Variants in NOP16 observed in about 807,000 individuals in gnomAD.
NOP16 encodes NOP16 nucleolar protein, also known as nucleolar protein 16.
NOP16 carries 14 observed loss-of-function variants against 22.7 expected under a neutral mutation model. That is an observed-to-expected ratio of 0.62 (90% CI 0.41 to 0.97). The LOEUF is 0.97. NOP16 is among the 50% of genes least tolerant of loss of function. The pLI, the probability that NOP16 is intolerant of heterozygous loss-of-function variation, is 0.00. For synonymous variants in NOP16, 80 were observed against 83.6 expected (o/e 0.96, Z 0.23); for missense variants, 198 against 235.9 (o/e 0.84, Z 1.05).
In NOP16 at chr5:176,384,227, C is replaced by G; in HGVS notation, c.*4G>C. The G allele has an allele frequency of 6.2e-7, 1 of 1,614,214 alleles. No homozygotes were observed. On this transcript the variant is annotated 3_prime_UTR_variant, in exon 5 of 5. Coordinates refer to ENST00000614830, the MANE Select transcript of NOP16 (RefSeq NM_016391.8). ...CAGCCTGGGGCAGCTGTGATGTAAA[C>G]CAGTCACTCCACCTCCATCTTCCTC... is the stretch of plus-strand genomic sequence containing the variant.
chr5:176,385,888 T>C (rs1223837780), intron 3 of NOP16: 1 of 152,612 alleles, frequency 6.6e-6, no homozygotes, highest in Non-Finnish European at 1.5e-5. Context: ...GACAGGCAAA[T>C]CCTACTCCAT....
In NOP16 at chr5:176,388,258, C is replaced by G; in HGVS notation, c.193G>C (p.Ala65Pro). ...ACCTTTCTCTTACGGAGGGGCACCG[C>G]CCTGTTGGGGTCCACAGCCAACCCC... ...EMGLAVDPNR[A>P]VPLRKRKVKA... is the part of the protein sequence containing the mutation. The change falls in exon 2 of 5, where the codon GCG becomes CCG. Residue 65 changes from alanine to proline, a missense_variant. Ala to Pro is a conservative substitution (Grantham distance 27). Transcript: ENST00000614830. 1 of 1,613,792 alleles carries G rather than the reference C, an allele frequency of 6.2e-7. No individual in the cohort carries two copies. The highest frequency in any genetic ancestry group is 8.5e-7 in the Non-Finnish European group (1 of 1,179,690).
In NOP16 at chr5:176,385,213, CCG is replaced by C. The variant is rs561266693; in HGVS notation, c.393+6_393+7del. On this transcript the variant is annotated splice_donor_region_variant and intron_variant, in intron 4 of 4. Transcript: ENST00000614830. ...TCCCAGCCAGCCCACGGGGCCTGAG[CCG>C]CTCACCTTATAGTCCTCCCCGTGGT... 1,828 of 1,555,604 alleles carry C rather than the reference CCG, an allele frequency of 1.2e-3. 45 individuals carry two copies. The South Asian group carries it at 0.019, about 16-fold the overall frequency.
intron 3 of NOP16, among the ~76,000 whole-genome samples, chr5:176,385,531 A>T (rs1353859836): frequency 6.6e-6 from 1 of 151,998 alleles, no homozygotes; most frequent in Non-Finnish European, 1.5e-5. Context: ...CCTATGACCC[A>T]CTCATCTACC....
rs1011453221 is a variant in NOP16 at position 176,386,904 on chromosome 5, C to G, written c.222G>C (p.Lys74Asn). The G allele has an allele frequency of 3.1e-6, 5 of 1,614,074 alleles. No homozygotes were observed. The highest frequency in any genetic ancestry group is 4.2e-6 in the Non-Finnish European group (5 of 1,179,942). ...RAVPLRKRKV[K>N]AMEVDIEERP... Reference sequence around the variant, plus strand: ...TCTCCTCTATGTCCACCTCCATGGCCTTCACCTGCAGAGAACAGAGCCCTT... The same window carrying G: ...TCTCCTCTATGTCCACCTCCATGGCGTTCACCTGCAGAGAACAGAGCCCTT... Residue 74 changes from lysine (K) to asparagine (N), a missense_variant, in exon 3 of 5, where the codon AAG (lysine) becomes AAC (asparagine). Physicochemically the swap from Lys to Asn is moderately conservative, Grantham distance 94 (BLOSUM62 0). Transcript: ENST00000614830.
At chr5:176,387,045 C>A in intron 2 of NOP16, 136 bp from the exon 3 acceptor site, 1 of 696,396 alleles carries the variant, frequency 1.4e-6, no homozygotes, top group Non-Finnish European at 2.5e-6. Flanking sequence ...ACAATGAGAA[C>A]TAATGCCCTG....
In NOP16 at chr5:176,386,820, A is replaced by C; in HGVS notation, c.286+20T>G. ...ACAGTGCAGGACAGTGACCTAAAGG[A>C]ATATATGGACCACACCCACCATTCA... On this transcript the variant is annotated intron_variant, in intron 3 of 4. Coordinates refer to ENST00000614830, the MANE Select transcript of NOP16 (RefSeq NM_016391.8). 1 of 1,609,470 alleles carries C rather than the reference A, an allele frequency of 6.2e-7. No individual in the cohort carries two copies.
At chr5:176,384,533 T>C (rs957802357) in intron 4 of NOP16, 159 bp from the exon 5 acceptor site, 1 of 703,200 alleles carries the variant, frequency 1.4e-6, no homozygotes, top group Admixed American at 3.0e-5. Flanking sequence ...ATGCCTGTAA[T>C]CCCAACACTC....
In NOP16 at chr5:176,385,001, A is replaced by G. The variant is rs1224127195; in HGVS notation, c.393+220T>C. ...CCAAAAAACACCATGCGAGCAAAAC[A>G]TTTATCTGTGAGTGAGACTGGAACC... On this transcript the variant is annotated intron_variant, in intron 4 of 4. Transcript: ENST00000614830. 20 of 579,704 alleles carry G rather than the reference A, an allele frequency of 3.5e-5. No homozygotes were observed. In the Admixed American group the frequency reaches 5.6e-4, roughly 16 times the overall value. 35.9% of individuals were successfully genotyped at this position (579,704 alleles called of 1,614,324 possible).
At chr5:176,384,712 G>C in intron 4 of NOP16, 1 of 392,566 alleles carries the variant, frequency 2.5e-6, no homozygotes, top group Non-Finnish European at 4.6e-6. Context: ...TGAGGCTGCG[G>C]TGAGCCATGA....
intron 2 of NOP16, 77 bp downstream of exon 2, chr5:176,388,158 C>A: frequency 1.8e-6 from 2 of 1,113,872 alleles, no homozygotes; most frequent in Non-Finnish European, 2.7e-6. Flanking sequence ...ATGGGCAGTA[C>A]CACGTTCTGA....
At chr5:176,386,276 G>C (rs897299865) in intron 3 of NOP16, 3 of 180,028 alleles carry the variant, frequency 1.7e-5, no homozygotes, top group African/African-American at 4.7e-5. Flanking sequence ...GAGAACCACT[G>C]AGATAAAAGA....
intron 3 of NOP16, chr5:176,386,297 AG>A (rs1286011474): frequency 5.6e-6 from 1 of 180,092 alleles, no homozygotes; most frequent in East Asian, 1.4e-4. Flanking sequence ...CAGGAACTCA[AG>A]GAATTCTGTA....
In NOP16 at chr5:176,386,823, A is replaced by AT. The variant is rs764697023; in HGVS notation, c.286+16dup. 1 of 1,610,702 alleles carries AT rather than the reference A, an allele frequency of 6.2e-7. No individual in the cohort carries two copies. The highest frequency in any genetic ancestry group is 1.7e-5 in the Admixed American group (1 of 60,008). On this transcript the variant is annotated intron_variant, in intron 3 of 4. Coordinates refer to ENST00000614830, the MANE Select transcript of NOP16 (RefSeq NM_016391.8). Reference sequence around the variant, plus strand: ...GTGCAGGACAGTGACCTAAAGGAATATATGGACCACACCCACCATTCAGCA... The same window carrying AT: ...GTGCAGGACAGTGACCTAAAGGAATATTATGGACCACACCCACCATTCAGCA...
chr5:176,384,904 G>C, intron 4 of NOP16: 3 of 546,566 alleles, frequency 5.5e-6, no homozygotes, highest in Non-Finnish European at 9.7e-6. Flanking sequence ...TCTTTCAACT[G>C]TTAAAGGAAG....
chr5:176,388,525 CT>C lies in NOP16; in HGVS notation c.14del (p.Lys5ArgfsTer18). 6.2e-7 allele frequency: 1 copy of C among 1,612,446 alleles called. No individual in the cohort carries two copies. The highest frequency in any genetic ancestry group is 2.2e-5 in the East Asian group (1 of 44,840). On this transcript the variant is annotated frameshift_variant, in exon 1 of 5. Transcript: ENST00000614830. LOFTEE classifies it high-confidence loss of function. MPKA[K>X]GKTRRQKFGY... ...CAAACTTCTGCCTCCGGGTTTTGCCCTTGGCCTTGGGCATCGCGCTGACCAC... is the reference window on the plus strand; with the variant it reads ...CAAACTTCTGCCTCCGGGTTTTGCCCTGGCCTTGGGCATCGCGCTGACCAC...
At position 176,388,189 on chromosome 5, in the gene NOP16, G is replaced by C. The variant is rs746987248; in HGVS notation, c.216+46C>G. ...TCTGACACCTAGGTCAGTATGGCGG[G>C]GGAAGAGTAAAGAAGACAAGGACCG... On this transcript the variant is annotated intron_variant, in intron 2 of 4. Transcript: ENST00000614830. 4.3e-6 allele frequency: 6 copies of C among 1,400,294 alleles called. No individual in the cohort carries two copies. In the African/African-American group the frequency reaches 8.5e-5, roughly 20 times the overall value. The allele number at this position is 1,400,294 out of a possible 1,614,324, so 86.7% of individuals were successfully genotyped here.
intron 3 of NOP16, chr5:176,385,917 G>A (rs1755809451): frequency 6.6e-6 from 1 of 152,630 alleles, no homozygotes; most frequent in Non-Finnish European, 1.5e-5. Flanking sequence ...TAGAAAGAGA[G>A]AGAAAGAGCT....
intron 2 of NOP16, 63 bp from the exon 3 acceptor site, chr5:176,386,972 G>T: frequency 1.4e-6 from 2 of 1,421,134 alleles, no homozygotes; most frequent in Non-Finnish European, 2.0e-6. Flanking sequence ...ATAGACTCCT[G>T]CTTATCCCAA....
Sources: gnomAD v4.1 joint callset for allele counts (sites outside exome capture counted in the v4.1 genomes callset) on GRCh38, gnomAD v4.1.1 for gene constraint, MANE v1.5 for transcripts, NCBI Gene and HGNC (gene_info 2026-07-23, HGNC 2026-07-21) for gene names.